Variants in CWC22 observed in about 807,000 individuals in gnomAD.
The protein encoded by CWC22 is pre-mRNA-splicing factor CWC22 homolog.
A neutral mutation model predicts 117.2 loss-of-function variants in CWC22; 53 were observed. The ratio of observed to expected loss-of-function variants is 0.45; its 90% CI spans 0.36 to 0.57. The LOEUF is 0.57. CWC22 is among the 20% of genes least tolerant of loss of function. The pLI, the probability that CWC22 is intolerant of heterozygous loss-of-function variation, is 0.00. For synonymous variants in CWC22, 360 were observed against 355.6 expected, an observed-to-expected ratio of 1.01 and a Z score of -0.14; for missense variants, 980 against 1,068.8, an observed-to-expected ratio of 0.92 and a Z score of 1.16.
Position 179,993,391 on chromosome 2 carries a change from AAAT to A in CWC22, c.-53_-51del. On this transcript the variant is annotated 5_prime_UTR_variant, in exon 2 of 20. Coordinates refer to ENST00000410053, the MANE Select transcript of CWC22 (RefSeq NM_020943.3). Reference sequence around the variant, plus strand: ...AATCAAAGATGCTTCAAACTGGTCCAAATAACAAGTACCCAATGCTCTGAATTC... The same window carrying A: ...AATCAAAGATGCTTCAAACTGGTCCAAACAAGTACCCAATGCTCTGAATTC... 2.9e-6 allele frequency: 4 copies of A among 1,358,300 alleles called. No individual in the cohort carries two copies. The highest frequency in any genetic ancestry group is 4.1e-6 in the Non-Finnish European group (4 of 969,564). 84.1% of individuals were successfully genotyped at this position (1,358,300 alleles called of 1,614,324 possible). A position where few individuals can be genotyped will look rare whatever the true frequency, so the allele number is the denominator to read the frequency against.
At position 179,969,354 on chromosome 2, in the gene CWC22, G is replaced by A. The variant is rs576742726; in HGVS notation, c.1210+1147C>T. 3.3e-5 allele frequency among the ~76,000 whole-genome samples: 5 copies of A among 152,322 alleles called. No homozygotes were observed. The South Asian group carries it at 6.2e-4, about 19-fold the overall frequency. ...GCATATTACAGTGAAAAGCTCCTAGGAAATCAGCATCTAAGAAGAGAAACT... is the reference window on the plus strand; with the variant it reads ...GCATATTACAGTGAAAAGCTCCTAGAAAATCAGCATCTAAGAAGAGAAACT... On this transcript the variant is annotated intron_variant, in intron 11 of 19. Coordinates refer to ENST00000410053, the MANE Select transcript of CWC22 (RefSeq NM_020943.3).
intron 1 of CWC22, among the ~76,000 whole-genome samples, chr2:180,004,678 G>A (rs1433256253): frequency 2.0e-5 from 3 of 150,990 alleles, no homozygotes; most frequent in East Asian, 2.0e-4. Context: ...AGCCATCGCC[G>A]CCCCCGCCCC....
At chr2:179,999,720 T>C (rs375987279) in intron 1 of CWC22, among the ~76,000 whole-genome samples, 140 of 152,144 alleles carry the variant, frequency 9.2e-4, no homozygotes, top group African/African-American at 3.2e-3. Context: ...GGGGAATCAA[T>C]AGTGAGTTAC....
At chr2:180,001,295 T>C (rs1015441828) in intron 1 of CWC22, among the ~76,000 whole-genome samples, 1 of 152,106 alleles carries the variant, frequency 6.6e-6, no homozygotes, top group Non-Finnish European at 1.5e-5. Context: ...TTTTGTGATA[T>C]GTAAGTTCAC....
At chr2:179,972,447 T>C (rs1490524183) in intron 8 of CWC22, among the ~76,000 whole-genome samples, 3 of 152,184 alleles carry the variant, frequency 2.0e-5, no homozygotes, top group African/African-American at 7.2e-5. Context: ...ATCAACTCTA[T>C]TCTATCAAGT....
chr2:179,998,458 T>C (rs1687763485), intron 1 of CWC22, among the ~76,000 whole-genome samples: 2 of 152,056 alleles, frequency 1.3e-5, no homozygotes, highest in African/African-American at 2.4e-5. Context: ...ATTCAAGCAA[T>C]TTGTCCACGT....
rs367752477 is a variant in CWC22, at chr2:179,973,680, T to C, written c.704A>G (p.Lys235Arg). The C allele has an allele frequency of 8.7e-6, 14 of 1,609,288 alleles. No homozygotes were observed. The highest frequency in any genetic ancestry group is 2.2e-5 in the East Asian group (1 of 44,796). The change falls in exon 7 of 20, where the codon AAA becomes AGA. Residue 235 changes from lysine to arginine, a missense_variant. Coordinates refer to ENST00000410053, the MANE Select transcript of CWC22 (RefSeq NM_020943.3). ...TTTTCGAAAATTAAGAATTAACCTT[T>C]TGAGGATTAATTCTCCAATTTGTGG... ...KFPQIGELIL[K>R]RLILNFRKGY...
At chr2:179,951,258 A>G (rs1054725752) in intron 17 of CWC22, among the ~76,000 whole-genome samples, 2 of 152,076 alleles carry the variant, frequency 1.3e-5, no homozygotes, top group Non-Finnish European at 2.9e-5. Context: ...ACACGTATAT[A>G]TAGTGAATAT....
intron 4 of CWC22, among the ~76,000 whole-genome samples, chr2:179,983,258 C>A (rs1687330679): frequency 6.6e-6 from 1 of 152,036 alleles, no homozygotes; most frequent in African/African-American, 2.4e-5. Context: ...CTCCTCCCAC[C>A]CTCCACTCTC....
intron 5 of CWC22, among the ~76,000 whole-genome samples, chr2:179,981,029 T>C (rs1353518514): frequency 1.3e-5 from 2 of 152,202 alleles, no homozygotes; most frequent in Non-Finnish European, 2.9e-5. Flanking sequence ...TGATTGTTCA[T>C]ATATAAATTT....
chr2:180,000,035 G>A (rs981032668), intron 1 of CWC22, among the ~76,000 whole-genome samples: 5 of 152,080 alleles, frequency 3.3e-5, no homozygotes, highest in Admixed American at 1.3e-4. Flanking sequence ...GATTGGCTTC[G>A]CTCTTGAACA....
At chr2:179,972,509 T>C (rs969461840) in intron 8 of CWC22, among the ~76,000 whole-genome samples, 3 of 152,178 alleles carry the variant, frequency 2.0e-5, no homozygotes, top group Non-Finnish European at 2.9e-5. Flanking sequence ...ATAGAGGTTT[T>C]TGTAGAATAT....
Position 179,986,801 on chromosome 2 carries a change from C to T in CWC22, c.100G>A (p.Glu34Lys). The change falls in exon 4 of 20, where the codon GAA (glutamate) becomes AAA (lysine). Residue 34 changes from glutamate to lysine, a missense_variant. Physicochemically the swap from Glu to Lys is moderately conservative, Grantham distance 56. Around this residue, in one of 3 missense-constraint regions of CWC22, gnomAD observed 559 missense variants for 602.3 expected, o/e 0.93. Coordinates refer to ENST00000410053, the MANE Select transcript of CWC22 (RefSeq NM_020943.3). ...TCCCGGGGGGATCGTTCTTGTTCTT[C>T]ATATCTAACATAAAATAAGAAAACC... The part of the protein sequence containing the change: ...QRNSSPEDRY[E>K]EQERSPRDRD... 6.5e-7 allele frequency: 1 copy of T among 1,533,450 alleles called. No homozygotes were observed. The highest frequency in any genetic ancestry group is 8.8e-7 in the Non-Finnish European group (1 of 1,134,274). The allele number at this position is 1,533,450 out of a possible 1,614,324, so 95.0% of individuals were successfully genotyped here.
chr2:179,976,925 C>T (rs562412061), intron 6 of CWC22, among the ~76,000 whole-genome samples: 3 of 152,242 alleles, frequency 2.0e-5, no homozygotes, highest in South Asian at 2.1e-4. Context: ...GAAGCCAAGT[C>T]GGGAGGACTG....
chr2:179,995,478 G>C (rs1194378767), intron 1 of CWC22, among the ~76,000 whole-genome samples: 1 of 152,208 alleles, frequency 6.6e-6, no homozygotes, highest in South Asian at 2.1e-4. Context: ...CGAGACTAGA[G>C]AGAATTACAC....
intron 19 of CWC22, among the ~76,000 whole-genome samples, chr2:179,949,069 G>A (rs1686382516): frequency 6.6e-6 from 1 of 152,128 alleles, no homozygotes; most frequent in Admixed American, 6.6e-5. Context: ...AAAATATAAA[G>A]GCATCAGAGA....
chr2:179,971,369 C>T (rs1247340666), intron 8 of CWC22, among the ~76,000 whole-genome samples: 1 of 151,954 alleles, frequency 6.6e-6, no homozygotes, highest in African/African-American at 2.4e-5. Context: ...CCATTATGTA[C>T]GGAAAGTGTC....
intron 1 of CWC22, among the ~76,000 whole-genome samples, chr2:180,004,087 C>A (rs1309770706): frequency 6.6e-6 from 1 of 152,106 alleles, no homozygotes; most frequent in Non-Finnish European, 1.5e-5. Flanking sequence ...GGAAATTCGA[C>A]AAGGGAGGCT....
chr2:179,971,575 T>C (rs1029724143), intron 8 of CWC22, among the ~76,000 whole-genome samples: 1 of 152,144 alleles, frequency 6.6e-6, no homozygotes, highest in Non-Finnish European at 1.5e-5. Flanking sequence ...ATACTAATTT[T>C]ATCACAAAAT....
Sources: gnomAD v4.1 joint callset for allele counts (sites outside exome capture counted in the v4.1 genomes callset) on GRCh38, gnomAD v4.1.1 for gene constraint, gnomAD v4.1.1 regional missense constraint, MANE v1.5 for transcripts, NCBI Gene and HGNC (gene_info 2026-07-23, HGNC 2026-07-21) for gene names.